The following WWC1 variants were observed in gnomAD, a reference collection of about 807,000 sequenced individuals.
The protein encoded by WWC1 is protein KIBRA.
A neutral mutation model predicts 138.4 loss-of-function variants in WWC1; 55 were observed. The ratio of observed to expected loss-of-function variants is 0.40; its 90% CI spans 0.32 to 0.50. The LOEUF is 0.50. Ranked by LOEUF, WWC1 falls within the 20% of genes least tolerant of loss-of-function variation. The pLI, the probability that WWC1 is intolerant of heterozygous loss-of-function variation, is 0.72. For synonymous variants in WWC1, 524 were observed against 564.9 expected, an observed-to-expected ratio of 0.93 and a Z score of 1.03; for missense variants, 1,226 against 1,420.4, an observed-to-expected ratio of 0.86 and a Z score of 2.20.
intron 18 of WWC1, among the ~76,000 whole-genome samples, chr5:168,454,709 C>T (rs960121473): frequency 3.3e-5 from 5 of 152,180 alleles, no homozygotes; most frequent in African/African-American, 1.2e-4. Context: ...TGCAGTAGGA[C>T]CTGGGCCCTC....
At chr5:168,388,454 T>C (rs1778207544) in intron 3 of WWC1, among the ~76,000 whole-genome samples, 1 of 152,042 alleles carries the variant, frequency 6.6e-6, no homozygotes, top group Non-Finnish European at 1.5e-5. Context: ...AATGTCTACA[T>C]AGATTTTATG....
intron 1 of WWC1, among the ~76,000 whole-genome samples, chr5:168,305,274 G>C (rs1770451960): frequency 6.6e-6 from 1 of 152,032 alleles, no homozygotes; most frequent in Non-Finnish European, 1.5e-5. Flanking sequence ...GGCCAACTTA[G>C]GAACATTTTT....
At chr5:168,343,966 C>T (rs760501296) in intron 1 of WWC1, among the ~76,000 whole-genome samples, 2 of 152,100 alleles carry the variant, frequency 1.3e-5, no homozygotes, top group Non-Finnish European at 2.9e-5. Flanking sequence ...CACGTGCTTC[C>T]CCCTCGGCTC....
intron 7 of WWC1, 143 bp downstream of exon 7, chr5:168,408,796 G>A: frequency 8.5e-7 from 1 of 1,170,352 alleles, no homozygotes; most frequent in Non-Finnish European, 1.2e-6. Context: ...CAGCCCTCTG[G>A]AGCTCTGTTC....
intron 1 of WWC1, among the ~76,000 whole-genome samples, chr5:168,365,751 C>T (rs565763463): frequency 1.1e-4 from 16 of 152,192 alleles, no homozygotes; most frequent in Admixed American, 2.0e-4. Context: ...CACATCTGGC[C>T]GTTTTTCCAG....
rs535087106 is a variant in WWC1, at chr5:168,375,667, C to G, written c.229+4134C>G. Among the ~76,000 whole-genome samples, 3 of 152,174 alleles carry G rather than the reference C, an allele frequency of 2.0e-5. 1 individual carries two copies. In the South Asian group the frequency reaches 6.2e-4, roughly 32 times the overall value. On this transcript the variant is annotated intron_variant, in intron 2 of 22. Transcript: ENST00000265293. ...TTGTCTCACTGCAACCTCCACCTTC[C>G]GGGTTCAAGCAATTCTCCTGCCTCA...
chr5:168,399,570 A>C lies in WWC1; in HGVS notation c.590+3A>C. Reference sequence around the variant, plus strand: ...CGTGGCTTTCAGACCCTGAAGAAGTAAGTACACCCTGCATCCCAGAGCATG... The same window carrying C: ...CGTGGCTTTCAGACCCTGAAGAAGTCAGTACACCCTGCATCCCAGAGCATG... On this transcript the variant is annotated splice_donor_region_variant and intron_variant, in intron 5 of 22. Transcript: ENST00000265293. 8.1e-6 allele frequency: 13 copies of C among 1,613,992 alleles called. No homozygotes were observed. Among genetic ancestry groups the C allele is most frequent in the Non-Finnish European group, 1.1e-5 (13 of 1,179,966 alleles).
chr5:168,306,650 G>A (rs1445229156), intron 1 of WWC1, among the ~76,000 whole-genome samples: 5 of 152,062 alleles, frequency 3.3e-5, no homozygotes, highest in Admixed American at 3.3e-4. Context: ...AGGCTGGAGT[G>A]CAGTGGCACA....
At chr5:168,360,199 G>T (rs1201563328) in intron 1 of WWC1, among the ~76,000 whole-genome samples, 2 of 152,190 alleles carry the variant, frequency 1.3e-5, no homozygotes, top group Non-Finnish European at 2.9e-5. Flanking sequence ...TGCAGCCTAG[G>T]TGATATCAGT....
At chr5:168,371,193 G>A (rs1258064674) in intron 1 of WWC1, among the ~76,000 whole-genome samples, 2 of 152,196 alleles carry the variant, frequency 1.3e-5, no homozygotes, top group Non-Finnish European at 2.9e-5. Flanking sequence ...GCAAAGTTGG[G>A]ACCAGAACAC....
At chr5:168,338,389 G>C (rs1581962151) in intron 1 of WWC1, among the ~76,000 whole-genome samples, 1 of 150,658 alleles carries the variant, frequency 6.6e-6, no homozygotes, top group Non-Finnish European at 1.5e-5. Context: ...ACTTAGAAGT[G>C]ACAGGATAGA....
chr5:168,366,204 T>G (rs1482929196), intron 1 of WWC1, among the ~76,000 whole-genome samples: 3 of 152,222 alleles, frequency 2.0e-5, no homozygotes, highest in African/African-American at 7.2e-5. Context: ...TGTGTGAGTG[T>G]GTCTGTTTAA....
chr5:168,358,770 G>A (rs898218901), intron 1 of WWC1, among the ~76,000 whole-genome samples: 4 of 151,066 alleles, frequency 2.6e-5, no homozygotes, highest in Admixed American at 2.0e-4. Flanking sequence ...ACAATTTTAT[G>A]AGCTTTGACA....
chr5:168,431,508 G>A (rs1030766519), intron 15 of WWC1, 64 bp downstream of exon 15: 17 of 1,525,398 alleles, frequency 1.1e-5, no homozygotes, highest in African/African-American at 1.4e-5. Flanking sequence ...CTGGCTGACC[G>A]GCCTTCTGTG....
At chr5:168,434,847 T>C (rs1220601024) in intron 15 of WWC1, among the ~76,000 whole-genome samples, 1 of 152,150 alleles carries the variant, frequency 6.6e-6, no homozygotes, top group East Asian at 1.9e-4. Flanking sequence ...GCCCGGGCTC[T>C]CTCGAGCTAG....
intron 5 of WWC1, among the ~76,000 whole-genome samples, chr5:168,405,551 G>A (rs1039881913): frequency 2.6e-5 from 4 of 152,146 alleles, no homozygotes; most frequent in African/African-American, 7.2e-5. Flanking sequence ...TATGTGTGAT[G>A]TATATGGGAA....
rs61251859 is a variant in WWC1, at chr5:168,420,328, C to T, written c.1185-1680C>T. 2.8e-3 allele frequency among the ~76,000 whole-genome samples: 429 copies of T among 152,288 alleles called. 1 individual carries two copies. Among genetic ancestry groups the T allele is most frequent in the African/African-American group, 9.9e-3 (411 of 41,560 alleles). On this transcript the variant is annotated intron_variant, in intron 9 of 22. Coordinates refer to ENST00000265293, the MANE Select transcript of WWC1 (RefSeq NM_015238.3). ...AGGTGGCCTCCTCCTCCCTCCGTTT[C>T]ACATGGTCTTCCCCCGTGCCTGTGC...
At chr5:168,450,934 C>T (rs1325684813) in intron 17 of WWC1, among the ~76,000 whole-genome samples, 4 of 152,058 alleles carry the variant, frequency 2.6e-5, no homozygotes, top group African/African-American at 9.7e-5. Context: ...AGTCCACATA[C>T]CAGACAAAGG....
chr5:168,371,494 G>T lies in WWC1; in HGVS notation c.190G>T (p.Asp64Tyr). ...ELPLGWEEAY[D>Y]PQVGDYFIDH... The stretch of plus-strand genomic sequence containing the variant: ...GCCGCTAGGATGGGAAGAGGCATAT[G>T]ACCCACAGGTTGGAGATTACTTCAT... The change falls in exon 2 of 23, where the codon GAC becomes TAC. Residue 64 changes from aspartate to tyrosine, a missense_variant. Coordinates refer to ENST00000265293, the MANE Select transcript of WWC1 (RefSeq NM_015238.3). 1 of 1,614,050 alleles carries T rather than the reference G, an allele frequency of 6.2e-7. No individual in the cohort carries two copies. Among genetic ancestry groups the T allele is most frequent in the South Asian group, 1.1e-5 (1 of 91,052 alleles).
Sources: gnomAD v4.1 joint callset for allele counts (sites outside exome capture counted in the v4.1 genomes callset) on GRCh38, gnomAD v4.1.1 for gene constraint, MANE v1.5 for transcripts, NCBI Gene and HGNC (gene_info 2026-07-23, HGNC 2026-07-21) for gene names.